Variants in NFS1 observed in about 807,000 individuals in gnomAD.
The protein encoded by NFS1 is cysteine desulfurase.
NFS1 carries 26 observed loss-of-function variants against 57.3 expected under a neutral mutation model. The observed-to-expected ratio is 0.45, with a 90% CI of 0.33 to 0.63. The LOEUF (loss-of-function observed/expected upper bound fraction) is 0.63, where lower values mean the gene tolerates loss of function less well. Ranked by LOEUF, NFS1 falls within the 20% of genes least tolerant of loss-of-function variation. NFS1 has a pLI of 0.02. For synonymous variants in NFS1, 209 were observed against 216.3 expected, an observed-to-expected ratio of 0.97 and a Z score of 0.30; for missense variants, 505 against 605.8, an observed-to-expected ratio of 0.83 and a Z score of 1.75.
intron 3 of NFS1, 103 bp from the exon 4 acceptor site, chr20:35,696,563 T>A (rs2035137380): frequency 2.6e-6 from 2 of 771,550 alleles, no homozygotes; most frequent in South Asian, 3.0e-5. Context: ...CTCCACTGCA[T>A]TCCACCAAAT....
intron 4 of NFS1, chr20:35,695,019 T>C (rs2035108654): frequency 6.6e-6 from 1 of 152,230 alleles, no homozygotes; most frequent in Non-Finnish European, 1.5e-5. Context: ...ACCCATGATG[T>C]AGATTTCTTT....
At chr20:35,679,380 C>T (rs571425601) in intron 7 of NFS1, among the ~76,000 whole-genome samples, 1 of 152,220 alleles carries the variant, frequency 6.6e-6, no homozygotes, top group East Asian at 1.9e-4. Flanking sequence ...GACGGGGGTT[C>T]ACCATGTTGA....
chr20:35,670,331 GC>G (rs1037344152), intron 12 of NFS1, among the ~76,000 whole-genome samples: 2 of 152,166 alleles, frequency 1.3e-5, no homozygotes, highest in African/African-American at 4.8e-5. Context: ...CACAAGAGCT[GC>G]TGCTAAGAAA....
chr20:35,676,458 C>T (rs1257153000), intron 7 of NFS1, among the ~76,000 whole-genome samples: 2 of 149,692 alleles, frequency 1.3e-5, no homozygotes, highest in African/African-American at 4.9e-5. Context: ...TGGTGGCACG[C>T]ACCTGTAATC....
chr20:35,678,797 T>C (rs976224370), intron 7 of NFS1, among the ~76,000 whole-genome samples: 1 of 152,116 alleles, frequency 6.6e-6, no homozygotes, highest in African/African-American at 2.4e-5. Flanking sequence ...AGATTGAAGC[T>C]GTGGCAAGGT....
chr20:35,676,904 T>G (rs1035822853), intron 7 of NFS1, among the ~76,000 whole-genome samples: 1 of 151,992 alleles, frequency 6.6e-6, no homozygotes, highest in African/African-American at 2.4e-5. Flanking sequence ...TCTTGCTCTG[T>G]TGCCCAGACT....
Position 35,673,746 on chromosome 20 carries a change from C to G in NFS1, c.1137-62G>C, listed in dbSNP as rs2034695610. 2.9e-6 allele frequency: 4 copies of G among 1,375,792 alleles called. No homozygotes were observed. In the South Asian group the frequency reaches 4.7e-5, roughly 16 times the overall value. The allele number at this position is 1,375,792 out of a possible 1,614,324, so 85.2% of individuals were successfully genotyped here. Reference sequence around the variant, plus strand: ...TCAACGTCTACTTTTAGTCACAAACCCTCAGTCTTGTTCCCATCCCCCAGG... The same window carrying G: ...TCAACGTCTACTTTTAGTCACAAACGCTCAGTCTTGTTCCCATCCCCCAGG... On this transcript the variant is annotated intron_variant, in intron 10 of 12. Coordinates refer to ENST00000374092, the MANE Select transcript of NFS1 (RefSeq NM_021100.5).
In NFS1 at chr20:35,669,682, A is replaced by C; in HGVS notation, c.1314T>G (p.Pro438=). The part of the protein sequence containing the change: ...QHVKRLREMS[P]LWEMVQDGID... Reference sequence around the variant, plus strand: ...TGCCATCCTGAACCATCTCCCAGAGAGGGCTGCCAAAGAGAAGAGGCATTA... The same window carrying C: ...TGCCATCCTGAACCATCTCCCAGAGCGGGCTGCCAAAGAGAAGAGGCATTA... The change falls in exon 13 of 13, where the codon CCT becomes CCG. Residue 438 remains proline, a synonymous_variant. Coordinates refer to ENST00000374092, the MANE Select transcript of NFS1 (RefSeq NM_021100.5). 6.2e-7 allele frequency: 1 copy of C among 1,613,994 alleles called. No individual in the cohort carries two copies. Among genetic ancestry groups the C allele is most frequent in the Non-Finnish European group, 8.5e-7 (1 of 1,179,922 alleles).
chr20:35,698,954 G>A, intron 1 of NFS1: 2 of 1,318,598 alleles, frequency 1.5e-6, no homozygotes, highest in Non-Finnish European at 9.6e-7. Flanking sequence ...TTGGCCAGGA[G>A]CGGTCTGAAG....
Position 35,696,243 on chromosome 20 carries a change from A to G in NFS1, c.408+134T>C, listed in dbSNP as rs2035132140. 3.2e-5 allele frequency: 22 copies of G among 687,788 alleles called. 1 individual carries two copies. The South Asian group carries it at 3.7e-4, about 11-fold the overall frequency. 42.6% of individuals were successfully genotyped at this position (687,788 alleles called of 1,614,324 possible). ...GGTTAAAGGAAGCAACAAATCAGAA[A>G]GACTGCAAGCCTTCTCTTCACAATG... On this transcript the variant is annotated intron_variant, in intron 4 of 12. Coordinates refer to ENST00000374092, the MANE Select transcript of NFS1 (RefSeq NM_021100.5).
chr20:35,697,648 T>G, intron 3 of NFS1, 36 bp downstream of exon 3: 3 of 1,449,830 alleles, frequency 2.1e-6, no homozygotes, highest in South Asian at 1.2e-5. Flanking sequence ...CTGCCCCTCT[T>G]TGACCTTAGA....
chr20:35,686,927 G>A (rs931748247), intron 5 of NFS1, among the ~76,000 whole-genome samples: 5 of 152,022 alleles, frequency 3.3e-5, no homozygotes, highest in African/African-American at 1.2e-4. Context: ...CATAACCTAG[G>A]AAAAACCAGG....
intron 2 of NFS1, 79 bp from the exon 3 acceptor site, chr20:35,697,879 C>A: frequency 1.1e-6 from 1 of 928,536 alleles, no homozygotes; most frequent in Admixed American, 2.0e-5. Flanking sequence ...ACCTGGCCAC[C>A]CTGCCTTAAG....
chr20:35,684,124 T>C (rs982538048), intron 5 of NFS1, among the ~76,000 whole-genome samples: 6 of 147,720 alleles, frequency 4.1e-5, no homozygotes, highest in Non-Finnish European at 7.4e-5. Context: ...AAAAATAAAA[T>C]AGGCTGTGTG....
intron 4 of NFS1, among the ~76,000 whole-genome samples, chr20:35,696,009 C>T (rs1380431496): frequency 6.6e-6 from 1 of 151,622 alleles, no homozygotes. Flanking sequence ...CACTGCACTC[C>T]AGCCTGGCGA....
At position 35,678,389 on chromosome 20, in the gene NFS1, G is replaced by C. The variant is rs529531048; in HGVS notation, c.790+2348C>G. 3.3e-5 allele frequency among the ~76,000 whole-genome samples: 5 copies of C among 151,950 alleles called. No individual in the cohort carries two copies. The South Asian group carries it at 8.3e-4, about 25-fold the overall frequency. On this transcript the variant is annotated intron_variant, in intron 7 of 12. Coordinates refer to ENST00000374092, the MANE Select transcript of NFS1 (RefSeq NM_021100.5). ...AATAAAATACAAAAATTAGCCAGGC[G>C]TGGTGGCAGGCACCTGTAATCCCAG...
intron 4 of NFS1, among the ~76,000 whole-genome samples, chr20:35,694,018 C>T (rs561035026): frequency 1.1e-4 from 16 of 152,122 alleles, no homozygotes; most frequent in Non-Finnish European, 2.2e-4. Flanking sequence ...TGCTAGTACA[C>T]GCCTGTAAGC....
intron 9 of NFS1, 21 bp downstream of exon 9, chr20:35,674,491 A>T (rs1377895728): frequency 6.2e-7 from 1 of 1,612,012 alleles, no homozygotes; most frequent in Non-Finnish European, 8.5e-7. Flanking sequence ...CAGAATGAGG[A>T]TAGAAAGAGC....
intron 4 of NFS1, chr20:35,694,423 G>A (rs1404892625): frequency 2.0e-5 from 3 of 152,092 alleles, no homozygotes; most frequent in Admixed American, 2.0e-4. Flanking sequence ...GGGATTACAG[G>A]TGTAAGCCAC....
Sources: allele counts gnomAD v4.1 joint callset (sites outside exome capture counted in the v4.1 genomes callset), GRCh38; gene constraint gnomAD v4.1.1; transcripts MANE v1.5; gene names NCBI Gene and HGNC (gene_info 2026-07-23, HGNC 2026-07-21).